The following GRIK3 variants were observed in gnomAD, a reference collection of about 807,000 sequenced individuals.
GRIK3 encodes glutamate ionotropic receptor kainate type subunit 3.
GRIK3 carries 29 observed loss-of-function variants against 102.5 expected under a neutral mutation model. The observed-to-expected ratio is 0.28, with a 90% CI of 0.21 to 0.39. The LOEUF (loss-of-function observed/expected upper bound fraction) is 0.39, where lower values mean the gene tolerates loss of function less well. Ranked by LOEUF, GRIK3 falls within the 10% of genes least tolerant of loss-of-function variation. GRIK3 has a pLI of 1.00. For synonymous variants in GRIK3, 511 were observed against 504.9 expected, an observed-to-expected ratio of 1.01 and a Z score of -0.16; for missense variants, 908 against 1,252.4, an observed-to-expected ratio of 0.73 and a Z score of 4.15.
chr1:36,963,575 A>G (rs947216025), intron 1 of GRIK3, among the ~76,000 whole-genome samples: 3 of 152,166 alleles, frequency 2.0e-5, no homozygotes, highest in African/African-American at 7.2e-5. Flanking sequence ...AGGCTCAGAG[A>G]GGTCCAAGAT....
At chr1:36,902,754 G>A (rs1641245205) in intron 1 of GRIK3, among the ~76,000 whole-genome samples, 1 of 152,042 alleles carries the variant, frequency 6.6e-6, no homozygotes, top group Admixed American at 6.6e-5. Context: ...TAAAGAGAAT[G>A]AAAAATGAAG....
chr1:36,954,379 G>A (rs1194056838), intron 1 of GRIK3, among the ~76,000 whole-genome samples: 6 of 152,256 alleles, frequency 3.9e-5, no homozygotes, highest in Non-Finnish European at 8.8e-5. Flanking sequence ...GTCACGGAAT[G>A]CCTTTCAGTA....
chr1:36,862,803 G>C (rs1640741884), intron 5 of GRIK3, among the ~76,000 whole-genome samples: 1 of 152,164 alleles, frequency 6.6e-6, no homozygotes, highest in African/African-American at 2.4e-5. Flanking sequence ...AGGAAAATAA[G>C]TGAGTTTGTA....
chr1:36,806,927 A>C lies in GRIK3; in HGVS notation c.2092-601T>G, dbSNP rs190283482. 6.6e-6 allele frequency among the ~76,000 whole-genome samples: 1 copy of C among 152,260 alleles called. No homozygotes were observed. Among genetic ancestry groups the C allele is most frequent in the East Asian group, 1.9e-4 (1 of 5,170 alleles). Reference sequence around the variant, plus strand: ...ACAGCTGCTCATCGGGGCAAAGCTGAGTGGGTCCTGGGCCTCCCCTTTCAC... The same window carrying C: ...ACAGCTGCTCATCGGGGCAAAGCTGCGTGGGTCCTGGGCCTCCCCTTTCAC... On this transcript the variant is annotated intron_variant, in intron 13 of 15. Transcript: ENST00000373091. This position sits in a 1 kb window ranked among gnomAD's most constrained non-coding sequence, Gnocchi z 4.0.
rs763406517 is a variant in GRIK3, at chr1:36,859,815, C to T, written c.960+29G>A. 7 of 1,584,038 alleles carry T rather than the reference C, an allele frequency of 4.4e-6. No individual in the cohort carries two copies. The South Asian group carries it at 7.7e-5, about 18-fold the overall frequency. On this transcript the variant is annotated intron_variant, in intron 6 of 15. Coordinates refer to ENST00000373091, the MANE Select transcript of GRIK3 (RefSeq NM_000831.4). ...AAGAAGGGAGGCAGGTGGGAAGCCC[C>T]TGGAATTCACCTCACCCAGCCGCCT...
chr1:37,019,352 G>A (rs931933598), intron 1 of GRIK3, among the ~76,000 whole-genome samples: 2 of 152,168 alleles, frequency 1.3e-5, no homozygotes, highest in African/African-American at 2.4e-5. Context: ...GGGCAGGAGT[G>A]AAGGGTGAAA....
At chr1:36,921,905 C>T (rs2124304949) in intron 1 of GRIK3, among the ~76,000 whole-genome samples, 1 of 152,260 alleles carries the variant, frequency 6.6e-6, no homozygotes, top group Admixed American at 6.5e-5. Flanking sequence ...GGTCCAGTGG[C>T]TCCTTCCCTC....
At chr1:36,928,389 C>T (rs1357253810) in intron 1 of GRIK3, among the ~76,000 whole-genome samples, 1 of 152,198 alleles carries the variant, frequency 6.6e-6, no homozygotes, top group Non-Finnish European at 1.5e-5. Flanking sequence ...ATCGTGGCTG[C>T]CCAGGTGAAC....
intron 15 of GRIK3, 140 bp downstream of exon 15, chr1:36,804,847 G>C (rs1642480186): frequency 1.8e-6 from 2 of 1,111,812 alleles, no homozygotes; most frequent in Admixed American, 4.6e-5. Context: ...AGAGTGGCAG[G>C]GCTTGCTGGC....
chr1:36,869,805 C>A lies in GRIK3; in HGVS notation c.733-4G>T. On this transcript the variant is annotated splice_polypyrimidine_tract_variant and splice_region_variant and intron_variant, in intron 4 of 15. Coordinates refer to ENST00000373091, the MANE Select transcript of GRIK3 (RefSeq NM_000831.4). Reference sequence around the variant, plus strand: ...TCATCATGCCCATGGCCATGGCCTGCAGAAAAGCAGAGTGTTAGTGATCAG... The same window carrying A: ...TCATCATGCCCATGGCCATGGCCTGAAGAAAAGCAGAGTGTTAGTGATCAG... The A allele has an allele frequency of 6.2e-7, 1 of 1,610,314 alleles. No homozygotes were observed. The highest frequency in any genetic ancestry group is 1.1e-5 in the South Asian group (1 of 91,010).
chr1:36,846,108 C>T (rs1640516717), intron 9 of GRIK3, among the ~76,000 whole-genome samples: 1 of 152,174 alleles, frequency 6.6e-6, no homozygotes, highest in African/African-American at 2.4e-5. Context: ...GGTGTGTTTT[C>T]TCAGTGTGTG....
At chr1:37,013,119 G>T (rs531683014) in intron 1 of GRIK3, among the ~76,000 whole-genome samples, 1 of 152,178 alleles carries the variant, frequency 6.6e-6, no homozygotes, top group East Asian at 1.9e-4. Context: ...ATGGTGACAG[G>T]CAAGAGAGAA....
rs139319319 is a variant in GRIK3, at chr1:36,906,723, A to C, written c.116-15627T>G. Among the ~76,000 whole-genome samples the C allele has an allele frequency of 4.3e-4, 65 of 152,360 alleles. 1 individual carries two copies. The highest frequency in any genetic ancestry group is 1.5e-3 in the African/African-American group (62 of 41,584). ...GCAGCCGCAGACAATGTGTCACAGT[A>C]GGCACAGTTGTGTTTCAATAAAACT... On this transcript the variant is annotated intron_variant, in intron 1 of 15. Coordinates refer to ENST00000373091, the MANE Select transcript of GRIK3 (RefSeq NM_000831.4).
chr1:37,007,321 T>C (rs1297551152), intron 1 of GRIK3, among the ~76,000 whole-genome samples: 1 of 152,278 alleles, frequency 6.6e-6, no homozygotes, highest in South Asian at 2.1e-4. Flanking sequence ...GTAACAGAGC[T>C]GGGAGTCAAA....
chr1:36,970,299 G>C (rs1351300045), intron 1 of GRIK3, among the ~76,000 whole-genome samples: 1 of 152,150 alleles, frequency 6.6e-6, no homozygotes, highest in Non-Finnish European at 1.5e-5. Flanking sequence ...TTCCACAGGT[G>C]ATGAGTGGGG....
At chr1:36,881,265 AT>A (rs2124263569) in intron 2 of GRIK3, among the ~76,000 whole-genome samples, 1 of 152,166 alleles carries the variant, frequency 6.6e-6, no homozygotes, top group African/African-American at 2.4e-5. Flanking sequence ...AACAAATAGA[AT>A]CAAACTGGCT....
chr1:37,014,909 T>TTC (rs1194950180), intron 1 of GRIK3, among the ~76,000 whole-genome samples: 19 of 144,106 alleles, frequency 1.3e-4, no homozygotes, highest in South Asian at 2.3e-4. Context: ...CTATCTCTGT[T>TTC]TCTCTCTCTC....
In GRIK3 at chr1:37,008,638, C is replaced by G. The variant is rs1045270824; in HGVS notation, c.115+25356G>C. On this transcript the variant is annotated intron_variant, in intron 1 of 15. Transcript: ENST00000373091. ...GAGGGTGGGCAGGTCACAGGGAGGG[C>G]CTGGGCAGTGCCAGGCCAGTGTCCT... Among the ~76,000 whole-genome samples, 5 of 152,204 alleles carry G rather than the reference C, an allele frequency of 3.3e-5. No homozygotes were observed. In the South Asian group the frequency reaches 1.0e-3, roughly 32 times the overall value.
intron 1 of GRIK3, among the ~76,000 whole-genome samples, chr1:37,016,303 T>G (rs1642651641): frequency 6.6e-6 from 1 of 152,176 alleles, no homozygotes; most frequent in African/African-American, 2.4e-5. Context: ...ACTTACTCAC[T>G]CCACTGGGTA....
Sources: gnomAD v4.1 joint callset for allele counts (sites outside exome capture counted in the v4.1 genomes callset) on GRCh38, gnomAD v4.1.1 for gene constraint, Gnocchi (gnomAD v3.1) non-coding constraint, MANE v1.5 for transcripts, NCBI Gene and HGNC (gene_info 2026-07-23, HGNC 2026-07-21) for gene names.